Variants in LAMA1 observed in about 807,000 individuals in gnomAD.
LAMA1 encodes laminin subunit alpha 1.
A neutral mutation model predicts 348.7 loss-of-function variants in LAMA1; 219 were observed. The observed-to-expected ratio is 0.63, with a 90% CI of 0.56 to 0.70. LAMA1 has a LOEUF of 0.70. Ranked by LOEUF, LAMA1 falls within the 30% of genes least tolerant of loss-of-function variation. LAMA1 has a pLI of 0.00. For missense variants in LAMA1, 3,744 were observed against 3,888.0 expected (o/e 0.96, Z 0.99); for synonymous variants, 1,487 against 1,491.0 (o/e 1.00, Z 0.06).
intron 3 of LAMA1, among the ~76,000 whole-genome samples, chr18:7,055,445 C>T (rs1294367288): frequency 1.6e-5 from 2 of 123,342 alleles, no homozygotes; most frequent in African/African-American, 7.2e-5. Context: ...CAGAGTGAAA[C>T]TCCGTCTCAA....
chr18:7,015,706 G>T lies in LAMA1; in HGVS notation c.3126+16C>A. On this transcript the variant is annotated intron_variant, in intron 22 of 62. Coordinates refer to ENST00000389658, the MANE Select transcript of LAMA1 (RefSeq NM_005559.4). ...GCAACTCTCAGTTAAGCAAGAGCGT[G>T]GATGACAGTGCTCACCTGGCACCCC... 6.2e-7 allele frequency: 1 copy of T among 1,613,280 alleles called. No homozygotes were observed. The highest frequency in any genetic ancestry group is 1.1e-5 in the South Asian group (1 of 91,034).
intron 25 of LAMA1, 79 bp downstream of exon 25, chr18:7,011,221 C>CCCAG: frequency 6.7e-7 from 1 of 1,486,554 alleles, no homozygotes; most frequent in Non-Finnish European, 9.2e-7. Flanking sequence ...GACAGGCCGG[C>CCCAG]CCAGACTATG....
At chr18:7,069,165 T>C (rs975052334) in intron 3 of LAMA1, among the ~76,000 whole-genome samples, 35 of 152,226 alleles carry the variant, frequency 2.3e-4, no homozygotes, top group African/African-American at 8.4e-4. Flanking sequence ...TATCCTGGAC[T>C]GTTTGGCAAT....
At chr18:7,083,289 G>T (rs757872941) in intron 1 of LAMA1, among the ~76,000 whole-genome samples, 3 of 150,724 alleles carry the variant, frequency 2.0e-5, no homozygotes, top group Non-Finnish European at 4.4e-5. Flanking sequence ...GGGTTCAAGC[G>T]ATTCTCCTGC....
chr18:7,082,063 T>TG (rs1241367083), intron 1 of LAMA1, among the ~76,000 whole-genome samples: 5 of 152,108 alleles, frequency 3.3e-5, no homozygotes, highest in Non-Finnish European at 7.4e-5. Context: ...CTCTAACACT[T>TG]GCTACACTAA....
chr18:7,063,864 G>A (rs1224294240), intron 3 of LAMA1, among the ~76,000 whole-genome samples: 1 of 152,192 alleles, frequency 6.6e-6, no homozygotes. Context: ...AGAGAGGAAC[G>A]TGGAGTTGGT....
At chr18:6,946,188 A>G (rs2057520599) in intron 61 of LAMA1, among the ~76,000 whole-genome samples, 2 of 152,182 alleles carry the variant, frequency 1.3e-5, no homozygotes, top group South Asian at 2.1e-4. Flanking sequence ...ACGCCACCAC[A>G]AAAGGGAACG....
In LAMA1 at chr18:6,949,186, A is replaced by T; in HGVS notation, c.8471T>A (p.Val2824Glu). Residue 2824 changes from valine to glutamate, a missense_variant, in exon 59 of 63, where the codon GTG becomes GAG. Val to Glu is a moderately radical substitution (Grantham distance 121). Around this residue, in one of 3 missense-constraint regions of LAMA1, gnomAD observed 1,983 missense variants for 1,934.3 expected, o/e 1.03. Transcript: ENST00000389658. ...DGRESPMVTV[V>E]GDGTMLDVEG... ...CACATCCAGCATGGTTCCATCTCCC[A>T]CCACAGTCACCATGGGAGACTCTCG... 1.2e-6 allele frequency: 2 copies of T among 1,614,054 alleles called. No individual in the cohort carries two copies. The highest frequency in any genetic ancestry group is 2.7e-5 in the African/African-American group (2 of 74,996).
chr18:6,972,288 A>G (rs2057661935), intron 47 of LAMA1: 2 of 378,826 alleles, frequency 5.3e-6, no homozygotes, highest in Admixed American at 3.8e-5. Context: ...GTGAGGGCCC[A>G]GCTGGACCTG....
intron 21 of LAMA1, among the ~76,000 whole-genome samples, chr18:7,016,259 A>C (rs548026862): frequency 6.6e-6 from 1 of 152,326 alleles, no homozygotes; most frequent in East Asian, 1.9e-4. Flanking sequence ...GAGGCCAAGC[A>C]AAGTTAAGTA....
chr18:7,069,331 T>C (rs2058136598), intron 3 of LAMA1, among the ~76,000 whole-genome samples: 1 of 152,218 alleles, frequency 6.6e-6, no homozygotes, highest in African/African-American at 2.4e-5. Flanking sequence ...TTGGTTCCTA[T>C]AAGCTCTTCA....
intron 50 of LAMA1, 96 bp from the exon 51 acceptor site, chr18:6,964,899 T>C (rs2057625598): frequency 1.5e-6 from 2 of 1,363,512 alleles, no homozygotes; most frequent in East Asian, 2.4e-5. Flanking sequence ...CATTTACAAA[T>C]GCATATTCTT....
intron 1 of LAMA1, among the ~76,000 whole-genome samples, chr18:7,111,372 T>C (rs904090102): frequency 6.6e-6 from 1 of 152,236 alleles, no homozygotes; most frequent in Non-Finnish European, 1.5e-5. Flanking sequence ...GCCTCCATTG[T>C]CTGCCTCCTG....
chr18:7,117,760 C>G lies in LAMA1; in HGVS notation c.-40G>C. On this transcript the variant is annotated 5_prime_UTR_variant, in exon 1 of 63. Coordinates refer to ENST00000389658, the MANE Select transcript of LAMA1 (RefSeq NM_005559.4). ...CACTCGGTGGGTCTGGGGAGAAAGC[C>G]GCGCGCCCGCCTGGAACGCTCCACG... The G allele has an allele frequency of 6.4e-7, 1 of 1,569,652 alleles. No homozygotes were observed. Among genetic ancestry groups the G allele is most frequent in the Non-Finnish European group, 8.6e-7 (1 of 1,161,198 alleles).
intron 1 of LAMA1, among the ~76,000 whole-genome samples, chr18:7,112,052 T>G (rs1405088272): frequency 6.6e-6 from 1 of 151,010 alleles, no homozygotes; most frequent in Non-Finnish European, 1.5e-5. Flanking sequence ...ATATCATAAA[T>G]CTTAAAATTC....
intron 1 of LAMA1, among the ~76,000 whole-genome samples, chr18:7,093,154 C>A (rs543434283): frequency 6.6e-6 from 1 of 152,150 alleles, no homozygotes; most frequent in East Asian, 1.9e-4. Context: ...CAGTGGCTCA[C>A]GCCTGTAATC....
At chr18:7,024,189 T>C (rs1479724546) in intron 18 of LAMA1, among the ~76,000 whole-genome samples, 191 bp downstream of exon 18, 1 of 152,170 alleles carries the variant, frequency 6.6e-6, no homozygotes, top group Non-Finnish European at 1.5e-5. Flanking sequence ...AAGAGTACCG[T>C]TCTTTAAAAA....
Position 7,085,034 on chromosome 18 carries a change from GA to G in LAMA1, c.62-4578del, listed in dbSNP as rs946638586. 2.7e-4 allele frequency among the ~76,000 whole-genome samples: 39 copies of G among 147,056 alleles called. 1 individual carries two copies. Among genetic ancestry groups the G allele is most frequent in the African/African-American group, 9.2e-4 (37 of 40,162 alleles). On this transcript the variant is annotated intron_variant, in intron 1 of 62. Coordinates refer to ENST00000389658, the MANE Select transcript of LAMA1 (RefSeq NM_005559.4). ...AGTATGAGGTTTTTTTTCCATTTTG[GA>G]AAAAAAAAAGTTTCTGAGTTCTAGA... is the stretch of plus-strand genomic sequence containing the variant.
At position 7,040,181 on chromosome 18, in the gene LAMA1, A is replaced by C; in HGVS notation, c.1317T>G (p.Asp439Glu). ...AATCCTTATAGCCAAGTTGGCAGCG[A>C]TCACATTTTTCTCCTGTATAACCTT... The part of the protein sequence containing the change: ...CKEGYTGEKC[D>E]RCQLGYKDYP... Residue 439 changes from aspartate (D) to glutamate (E), a missense_variant, in exon 10 of 63, where the codon GAT becomes GAG. Coordinates refer to ENST00000389658, the MANE Select transcript of LAMA1 (RefSeq NM_005559.4). The C allele has an allele frequency of 3.7e-6, 6 of 1,614,138 alleles. No homozygotes were observed. Among genetic ancestry groups the C allele is most frequent in the Non-Finnish European group, 4.2e-6 (5 of 1,180,032 alleles).
Sources: gnomAD v4.1 joint callset for allele counts (sites outside exome capture counted in the v4.1 genomes callset) on GRCh38, gnomAD v4.1.1 for gene constraint, gnomAD v4.1.1 regional missense constraint, MANE v1.5 for transcripts, NCBI Gene and HGNC (gene_info 2026-07-23, HGNC 2026-07-21) for gene names.